The following ESRRG variants were observed in gnomAD, a reference collection of about 807,000 sequenced individuals.
The protein encoded by ESRRG is estrogen-related receptor gamma.
A neutral mutation model predicts 44.0 loss-of-function variants in ESRRG; 13 were observed. The ratio of observed to expected loss-of-function variants is 0.30; its 90% confidence interval spans 0.19 to 0.47. The LOEUF is 0.47. ESRRG is among the 20% of genes least tolerant of loss of function. The probability of loss-of-function intolerance (pLI) is 1.00; values close to 1 mark genes in which losing one functional copy is unlikely to be tolerated. For missense variants in ESRRG, 395 were observed against 580.6 expected (o/e 0.68, Z 3.29); for synonymous variants, 215 against 214.6 (o/e 1.00, Z -0.02).
chr1:216,920,417 TGTGC>T (rs575898365), intron 2 of ESRRG, among the ~76,000 whole-genome samples: 39,374 of 123,700 alleles, frequency 0.32, 5,508 homozygotes, highest in Middle Eastern at 0.45. Flanking sequence ...TGTGTGTGTG[TGTGC>T]GCATATTTTT....
intron 2 of ESRRG, among the ~76,000 whole-genome samples, chr1:216,891,803 T>A (rs1270537099): frequency 1.4e-5 from 2 of 147,766 alleles, no homozygotes; most frequent in South Asian, 4.4e-4. Context: ...GCTTTTTTTT[T>A]TTTTTTTTTT....
chr1:217,102,486 T>G (rs2092531317), intron 1 of ESRRG, among the ~76,000 whole-genome samples: 1 of 152,228 alleles, frequency 6.6e-6, no homozygotes, highest in East Asian at 1.9e-4. Context: ...AGTGTATGAG[T>G]TGCCACTTCT....
intron 1 of ESRRG, among the ~76,000 whole-genome samples, chr1:217,002,189 C>A (rs569601212): frequency 1.3e-5 from 2 of 151,426 alleles, no homozygotes; most frequent in African/African-American, 4.8e-5. Context: ...GTAATTCCAG[C>A]TACCCTGGTG....
chr1:217,131,513 G>A (rs76235539), intron 1 of ESRRG, among the ~76,000 whole-genome samples: 3,337 of 152,294 alleles, frequency 0.022, 130 homozygotes, highest in African/African-American at 0.076. Context: ...TTCATGTGCT[G>A]TTATTGTAAG....
chr1:216,525,025 C>T (rs902245902), intron 5 of ESRRG, among the ~76,000 whole-genome samples: 1 of 152,170 alleles, frequency 6.6e-6, no homozygotes, highest in Non-Finnish European at 1.5e-5. Context: ...ATCATAGGAA[C>T]AGAAATTGAA....
Position 216,559,497 on chromosome 1 carries a change from C to T in ESRRG, c.862+4722G>A, listed in dbSNP as rs6675478. On this transcript the variant is annotated intron_variant, in intron 5 of 6. Coordinates refer to ENST00000408911, the MANE Select transcript of ESRRG (RefSeq NM_001438.4). Reference sequence around the variant, plus strand: ...AAACATTTTTCAAGTGCCAATGATACAGACCCAAAACAGAATATAAGGTAT... The same window carrying T: ...AAACATTTTTCAAGTGCCAATGATATAGACCCAAAACAGAATATAAGGTAT... Among the ~76,000 whole-genome samples, 619 of 152,318 alleles carry T rather than the reference C, an allele frequency of 4.1e-3. 7 individuals are homozygous for T. The highest frequency in any genetic ancestry group is 0.012 in the African/African-American group (516 of 41,584).
intron 2 of ESRRG, among the ~76,000 whole-genome samples, chr1:216,758,440 T>C (rs1206180559): frequency 6.6e-6 from 1 of 152,054 alleles, no homozygotes; most frequent in Non-Finnish European, 1.5e-5. Flanking sequence ...TCTTAATCTA[T>C]TGCAAGTCAA....
At chr1:216,643,539 G>T (rs2047429) in intron 3 of ESRRG, among the ~76,000 whole-genome samples, 54,603 of 151,948 alleles carry the variant, frequency 0.36, 10,696 homozygotes, top group African/African-American at 0.52. Context: ...ATTTAAGCTG[G>T]GCAAAAATGG....
intron 1 of ESRRG, among the ~76,000 whole-genome samples, chr1:217,074,430 A>G (rs2090995612): frequency 7.5e-6 from 1 of 134,140 alleles, no homozygotes; most frequent in South Asian, 2.7e-4. Flanking sequence ...CAATACCCAC[A>G]GTATCAGAAA....
intron 1 of ESRRG, among the ~76,000 whole-genome samples, chr1:217,053,066 G>A (rs1272666793): frequency 1.3e-5 from 2 of 149,988 alleles, no homozygotes; most frequent in Non-Finnish European, 3.0e-5. Flanking sequence ...CTGGGAGGCT[G>A]AGGTGGAAGG....
At chr1:216,683,300 T>C (rs2077356429) in intron 1 of ESRRG, among the ~76,000 whole-genome samples, 1 of 152,172 alleles carries the variant, frequency 6.6e-6, no homozygotes. Flanking sequence ...TAAAAACACA[T>C]GGACAACTTA....
chr1:217,011,550 C>A (rs575145131), intron 1 of ESRRG, among the ~76,000 whole-genome samples: 11 of 152,292 alleles, frequency 7.2e-5, no homozygotes, highest in Non-Finnish European at 1.5e-4. Context: ...AAAGCATTTG[C>A]TAGATAATCT....
At chr1:217,080,586 C>T (rs1289598177) in intron 1 of ESRRG, among the ~76,000 whole-genome samples, 1 of 151,970 alleles carries the variant, frequency 6.6e-6, no homozygotes, top group Admixed American at 6.6e-5. Flanking sequence ...CAAGCCTGAC[C>T]CGAAGACATC....
intron 1 of ESRRG, among the ~76,000 whole-genome samples, chr1:217,015,018 C>A (rs1234564867): frequency 1.3e-5 from 2 of 152,112 alleles, no homozygotes; most frequent in Non-Finnish European, 2.9e-5. Context: ...AAAGCAGAAA[C>A]CCCATTGAAC....
chr1:216,702,289 A>G (rs2081518363), intron 1 of ESRRG, among the ~76,000 whole-genome samples: 1 of 152,162 alleles, frequency 6.6e-6, no homozygotes, highest in Non-Finnish European at 1.5e-5. Context: ...CTTATGAGAG[A>G]GGGTGAAGAA....
chr1:216,902,071 G>C (rs1188164908), intron 2 of ESRRG, among the ~76,000 whole-genome samples: 2 of 152,146 alleles, frequency 1.3e-5, no homozygotes, highest in African/African-American at 2.4e-5. Flanking sequence ...TATATCTGAA[G>C]TTCATCTACA....
chr1:216,754,117 C>G (rs533973313), intron 2 of ESRRG, among the ~76,000 whole-genome samples: 3 of 151,990 alleles, frequency 2.0e-5, no homozygotes, highest in Non-Finnish European at 4.4e-5. Context: ...TAATGGGAAG[C>G]AGCTAGACAT....
chr1:216,512,641 G>T (rs2043054366), intron 6 of ESRRG, among the ~76,000 whole-genome samples: 2 of 152,070 alleles, frequency 1.3e-5, no homozygotes, highest in Admixed American at 1.3e-4. Context: ...GGCTTTCAGG[G>T]GTTACGTTAC....
chr1:217,056,467 C>G (rs2087118164), intron 1 of ESRRG, among the ~76,000 whole-genome samples: 1 of 151,810 alleles, frequency 6.6e-6, no homozygotes, highest in East Asian at 1.9e-4. Flanking sequence ...AAGACTTTTT[C>G]CACTTCTGGG....
Sources: allele counts gnomAD v4.1 joint callset (sites outside exome capture counted in the v4.1 genomes callset), GRCh38; gene constraint gnomAD v4.1.1; transcripts MANE v1.5; gene names NCBI Gene and HGNC (gene_info 2026-07-23, HGNC 2026-07-21).